Variants in FAM193A observed in about 807,000 individuals in gnomAD.
The protein encoded by FAM193A is protein FAM193A.
FAM193A carries 22 observed loss-of-function variants against 126.5 expected under a neutral mutation model. The ratio of observed to expected loss-of-function variants is 0.17; its 90% CI spans 0.12 to 0.25. The LOEUF is 0.25. Ranked by LOEUF, FAM193A falls within the 10% of genes least tolerant of loss-of-function variation. The probability of loss-of-function intolerance (pLI) is 1.00; values close to 1 mark genes in which losing one functional copy is unlikely to be tolerated. For missense variants in FAM193A, 1,675 were observed against 1,672.8 expected, an observed-to-expected ratio of 1.00 and a Z score of -0.02; for synonymous variants, 761 against 646.8, an observed-to-expected ratio of 1.18 and a Z score of -2.68.
At chr4:2,550,861 C>T (rs1408962425) in intron 1 of FAM193A, among the ~76,000 whole-genome samples, 4 of 150,462 alleles carry the variant, frequency 2.7e-5, no homozygotes, top group Non-Finnish European at 3.0e-5. Flanking sequence ...AGTGCAGTGG[C>T]GCCATCTCGG....
At chr4:2,667,443 G>A (rs1321116014) in intron 12 of FAM193A, among the ~76,000 whole-genome samples, 1 of 152,054 alleles carries the variant, frequency 6.6e-6, no homozygotes, top group Non-Finnish European at 1.5e-5. Flanking sequence ...TTTAACTGTT[G>A]GATTATTTCC....
intron 7 of FAM193A, among the ~76,000 whole-genome samples, chr4:2,649,478 G>C (rs989606983): frequency 6.6e-6 from 1 of 151,724 alleles, no homozygotes; most frequent in Non-Finnish European, 1.5e-5. Flanking sequence ...TTTGAGATCA[G>C]CCTGGGTGAC....
At chr4:2,554,287 G>A (rs758916183) in intron 1 of FAM193A, among the ~76,000 whole-genome samples, 1 of 151,924 alleles carries the variant, frequency 6.6e-6, no homozygotes, top group African/African-American at 2.4e-5. Flanking sequence ...ATTTCACCAC[G>A]TTGGCCAGGC....
rs546268933 is a variant in FAM193A at position 2,566,974 on chromosome 4, C to T, written c.256-29110C>T. On this transcript the variant is annotated intron_variant, in intron 1 of 20. Transcript: ENST00000637812. ...TTTTTTTTTGAGACGGAGTCTCGCT[C>T]TGTCGCCCAGGCTGGAATGCAGTGG... 2.7e-5 allele frequency among the ~76,000 whole-genome samples: 4 copies of T among 147,920 alleles called. No homozygotes were observed. The East Asian group carries it at 8.1e-4, about 30-fold the overall frequency.
chr4:2,709,474 G>A (rs867177927), intron 19 of FAM193A, among the ~76,000 whole-genome samples: 6 of 152,144 alleles, frequency 3.9e-5, no homozygotes, highest in Admixed American at 6.6e-5. Context: ...TTGGAAAGCC[G>A]AGGAGGGGTG....
At position 2,690,936 on chromosome 4, in the gene FAM193A, G is replaced by A. The variant is rs1716304618; in HGVS notation, c.2769G>A (p.Gln923=). The A allele has an allele frequency of 6.2e-7, 1 of 1,614,082 alleles. No homozygotes were observed. Among genetic ancestry groups the A allele is most frequent in the East Asian group, 2.2e-5 (1 of 44,888 alleles). Residue 923 remains glutamine, a synonymous_variant, in exon 15 of 21, where the codon CAG becomes CAA. Coordinates refer to ENST00000637812, the MANE Select transcript of FAM193A (RefSeq NM_001366318.2). ...TATTVQSSNS[Q]FRVSSKRPPS... is the part of the protein sequence containing the mutation. ...CCACAGTGCAGTCCAGCAACAGCCA[G>A]TTCAGAGTGTCATCCAAGAGACCTC...
At chr4:2,590,460 T>A (rs1577046768) in intron 1 of FAM193A, among the ~76,000 whole-genome samples, 1 of 67,760 alleles carries the variant, frequency 1.5e-5, no homozygotes, top group African/African-American at 6.6e-5. Flanking sequence ...CGAGACTCCA[T>A]CTCAAAAAAA....
intron 13 of FAM193A, among the ~76,000 whole-genome samples, chr4:2,683,727 T>C (rs1329844578): frequency 6.6e-6 from 1 of 152,278 alleles, no homozygotes; most frequent in African/African-American, 2.4e-5. Context: ...TTGGAGACTT[T>C]TTAGCTATTA....
At chr4:2,565,587 T>A (rs1189617297) in intron 1 of FAM193A, among the ~76,000 whole-genome samples, 1 of 151,650 alleles carries the variant, frequency 6.6e-6, no homozygotes, top group African/African-American at 2.4e-5. Context: ...AAAAAAAAAA[T>A]TCATGTAGTC....
At chr4:2,654,756 G>T (rs905121609) in intron 7 of FAM193A, 4 of 218,856 alleles carry the variant, frequency 1.8e-5, no homozygotes, top group Non-Finnish European at 2.7e-5. Flanking sequence ...AAAATATATT[G>T]TATTATGGTT....
At chr4:2,622,277 A>AAC (rs1742598175) in intron 2 of FAM193A, among the ~76,000 whole-genome samples, 2 of 151,472 alleles carry the variant, frequency 1.3e-5, no homozygotes, top group African/African-American at 4.8e-5. Flanking sequence ...AAAAAAAAAA[A>AAC]AAAAAACCTA....
chr4:2,657,719 A>C, intron 7 of FAM193A, 84 bp from the exon 8 acceptor site: 2 of 815,762 alleles, frequency 2.5e-6, no homozygotes, highest in Non-Finnish European at 4.0e-6. Flanking sequence ...ATTTTAAGAA[A>C]GTCTCCTCTT....
intron 1 of FAM193A, among the ~76,000 whole-genome samples, chr4:2,556,867 T>G (rs1290027065): frequency 6.6e-6 from 1 of 152,178 alleles, no homozygotes; most frequent in African/African-American, 2.4e-5. Flanking sequence ...TAGATAGAGC[T>G]TGAAACTGAA....
At chr4:2,652,589 T>G (rs2109076257) in intron 7 of FAM193A, among the ~76,000 whole-genome samples, 1 of 152,222 alleles carries the variant, frequency 6.6e-6, no homozygotes, top group Non-Finnish European at 1.5e-5. Context: ...TGCTACACAC[T>G]TTTAAACAAC....
At position 2,700,562 on chromosome 4, in the gene FAM193A, G is replaced by A; in HGVS notation, c.4372+18G>A. On this transcript the variant is annotated intron_variant, in intron 19 of 20. Transcript: ENST00000637812. Reference sequence around the variant, plus strand: ...TTCAATTGGTAAATACAGAATAGCGGGAAGGTATTTCTGAGCGATGCCTGG... The same window carrying A: ...TTCAATTGGTAAATACAGAATAGCGAGAAGGTATTTCTGAGCGATGCCTGG... 1 of 1,597,310 alleles carries A rather than the reference G, an allele frequency of 6.3e-7. No individual in the cohort carries two copies. The highest frequency in any genetic ancestry group is 1.1e-5 in the South Asian group (1 of 88,754).
intron 19 of FAM193A, among the ~76,000 whole-genome samples, chr4:2,704,376 A>G (rs55712042): frequency 0.53 from 81,057 of 151,678 alleles, 22,258 homozygotes; most frequent in Admixed American, 0.65. Context: ...GGCCAGCCTG[A>G]CCAACATGTG....
chr4:2,596,560 A>G (rs561515722), intron 2 of FAM193A, among the ~76,000 whole-genome samples: 10 of 152,316 alleles, frequency 6.6e-5, no homozygotes, highest in Admixed American at 5.2e-4. Context: ...TCATCAAGCT[A>G]TGTGACCCTG....
Position 2,536,799 on chromosome 4 carries a change from GC to G in FAM193A, c.-111del, listed in dbSNP as rs1578544890. On this transcript the variant is annotated 5_prime_UTR_variant, in exon 1 of 21. Transcript: ENST00000637812. ...CGACCCGGACGCGACCCCGCGCAGC[GC>G]CCCCCGGCTGGCCGGAGCGCCCGCC... is the stretch of plus-strand genomic sequence containing the variant. 1 of 134,314 alleles carries G rather than the reference GC, an allele frequency of 7.4e-6. No homozygotes were observed. The highest frequency in any genetic ancestry group is 2.3e-4 in the South Asian group (1 of 4,430). The allele number at this position is 134,314 out of a possible 1,614,324, so 8.3% of individuals were successfully genotyped here. A position where few individuals can be genotyped will look rare whatever the true frequency, so the allele number is the denominator to read the frequency against.
intron 2 of FAM193A, among the ~76,000 whole-genome samples, chr4:2,617,697 C>T (rs1431932628): frequency 6.6e-6 from 1 of 152,178 alleles, no homozygotes. Flanking sequence ...TATACCACTT[C>T]ACATGTAGTG....
Sources: gnomAD v4.1 joint callset for allele counts (sites outside exome capture counted in the v4.1 genomes callset) on GRCh38, gnomAD v4.1.1 for gene constraint, MANE v1.5 for transcripts, NCBI Gene and HGNC (gene_info 2026-07-23, HGNC 2026-07-21) for gene names.